ZNF573: variants seen among roughly 807,000 people sequenced by gnomAD.
The protein encoded by ZNF573 is zinc finger protein 573.
ZNF573 carries 41 observed loss-of-function variants against 57.4 expected under a neutral mutation model. The observed-to-expected ratio is 0.71, with a 90% CI of 0.56 to 0.93. The LOEUF (loss-of-function observed/expected upper bound fraction) is 0.93, where lower values mean the gene tolerates loss of function less well. Among genes scored for constraint, ZNF573 ranks in the 40% least tolerant of loss-of-function variants. ZNF573 has a pLI of 0.00. For missense variants in ZNF573, 730 were observed against 794.8 expected (o/e 0.92, Z 0.98); for synonymous variants, 249 against 261.0 (o/e 0.95, Z 0.44).
At chr19:37,777,163 T>G (rs959899253) in intron 1 of ZNF573, among the ~76,000 whole-genome samples, 8 of 152,130 alleles carry the variant, frequency 5.3e-5, no homozygotes, top group African/African-American at 1.9e-4. Flanking sequence ...AAGAAGTCAT[T>G]ATATAAAATT....
intron 4 of ZNF573, among the ~76,000 whole-genome samples, chr19:37,767,903 T>A (rs968923044): frequency 2.0e-5 from 3 of 152,148 alleles, no homozygotes; most frequent in Non-Finnish European, 4.4e-5. Flanking sequence ...AGGAAGGAAC[T>A]TATTACCATT....
At chr19:37,750,329 C>T (rs999956349) in intron 4 of ZNF573, among the ~76,000 whole-genome samples, 8 of 152,152 alleles carry the variant, frequency 5.3e-5, no homozygotes, top group Non-Finnish European at 8.8e-5. Flanking sequence ...AGTGATCTGC[C>T]GGCCTAGGCC....
intron 4 of ZNF573, among the ~76,000 whole-genome samples, chr19:37,769,727 G>GAAAAAAAAAAAAAAAAAAAA (rs397944905): frequency 1.8e-5 from 1 of 55,222 alleles, no homozygotes; most frequent in Non-Finnish European, 3.5e-5. Context: ...CTCTGTCTCG[G>GAAAAAAAAAAAAAAAAAAAA]AAAAAAAAAA....
chr19:37,762,137 G>A (rs1038459532), intron 4 of ZNF573, among the ~76,000 whole-genome samples: 4 of 152,160 alleles, frequency 2.6e-5, no homozygotes, highest in African/African-American at 9.7e-5. Context: ...TTCAAAATAT[G>A]TTGGGCTTGA....
Position 37,739,371 on chromosome 19 carries a change from A to G in ZNF573, c.1119T>C (p.Leu373=). The change falls in exon 5 of 5, where the codon CTT becomes CTC. Residue 373 remains leucine, a synonymous_variant. Transcript: ENST00000536220. The stretch of plus-strand genomic sequence containing the variant: ...CAGTATGAATATTCTGATGCCGAGT[A>G]AGATTTCTATACAAAGTAAAGGTTT... ...CKKTFTLYRN[L]TRHQNIHTGE... The G allele has an allele frequency of 6.2e-7, 1 of 1,614,022 alleles. No homozygotes were observed. The highest frequency in any genetic ancestry group is 8.5e-7 in the Non-Finnish European group (1 of 1,179,998).
intron 1 of ZNF573, among the ~76,000 whole-genome samples, chr19:37,778,907 G>A (rs944328185): frequency 1.3e-5 from 2 of 152,254 alleles, no homozygotes; most frequent in Non-Finnish European, 1.5e-5. Context: ...GGAAAGACGA[G>A]GTTCTGAGAC....
At chr19:37,760,873 A>T (rs1031611196) in intron 4 of ZNF573, among the ~76,000 whole-genome samples, 1 of 151,538 alleles carries the variant, frequency 6.6e-6, no homozygotes, top group African/African-American at 2.4e-5. Context: ...GTTAATGCAA[A>T]ATCATCAGTA....
At chr19:37,779,101 C>T (rs998007363) in intron 1 of ZNF573, among the ~76,000 whole-genome samples, 1 of 152,118 alleles carries the variant, frequency 6.6e-6, no homozygotes, top group East Asian at 1.9e-4. Context: ...AAGCAGCAGC[C>T]GGGAACCTAC....
rs1299867124 is a variant in ZNF573, at chr19:37,739,127, T to C, written c.1363A>G (p.Arg455Gly). Residue 455 changes from arginine to glycine, a missense_variant, in exon 5 of 5, where the codon AGA (arginine) becomes GGA (glycine). Coordinates refer to ENST00000536220, the MANE Select transcript of ZNF573 (RefSeq NM_001172690.2). ...KECKKTFTLY[R>G]NLTRHQNIHT... is the part of the protein sequence containing the mutation. ...ATATTCTGATGTCGAGTAAGATTTCTATACAAAGTAAAGGTTTTTTTACAC... is the reference window on the plus strand; with the variant it reads ...ATATTCTGATGTCGAGTAAGATTTCCATACAAAGTAAAGGTTTTTTTACAC... 2.5e-6 allele frequency: 4 copies of C among 1,613,300 alleles called. No individual in the cohort carries two copies. Among genetic ancestry groups the C allele is most frequent in the South Asian group, 1.1e-5 (1 of 90,816 alleles).
intron 4 of ZNF573, among the ~76,000 whole-genome samples, chr19:37,758,216 T>A (rs371561664): frequency 0.28 from 1,519 of 5,508 alleles, 228 homozygotes; most frequent in Middle Eastern, 0.42. Flanking sequence ...TATATATATA[T>A]ATATATATAT....
At chr19:37,766,857 G>T (rs1247982015) in intron 4 of ZNF573, among the ~76,000 whole-genome samples, 1 of 152,188 alleles carries the variant, frequency 6.6e-6, no homozygotes, top group African/African-American at 2.4e-5. Context: ...TCGATTAAGT[G>T]TAACAGTGAA....
rs1165719400 is a variant in ZNF573, at chr19:37,740,134, A to G, written c.356T>C (p.Ile119Thr). The change falls in exon 5 of 5, where the codon ATA (isoleucine) becomes ACA (threonine). Residue 119 changes from isoleucine to threonine, a missense_variant. Ile to Thr is a moderately conservative substitution (Grantham distance 89, BLOSUM62 -1). Transcript: ENST00000536220. ...YIEVPTYETD[I>T]SSTQLQSIYK... ...TATGCTCTGAAGTTGTGTAGAGGAT[A>G]TATCTGTTTCATAAGTGGGTACTTC... 11 of 1,611,030 alleles carry G rather than the reference A, an allele frequency of 6.8e-6. No individual in the cohort carries two copies. Among genetic ancestry groups the G allele is most frequent in the Non-Finnish European group, 9.3e-6 (11 of 1,178,148 alleles).
intron 4 of ZNF573, among the ~76,000 whole-genome samples, chr19:37,753,725 T>C (rs2045460851): frequency 1.3e-5 from 2 of 152,082 alleles, no homozygotes; most frequent in Admixed American, 1.3e-4. Context: ...TTCTATGACT[T>C]CAAAAAACAA....
chr19:37,744,136 A>C (rs962634927), intron 4 of ZNF573, among the ~76,000 whole-genome samples: 1 of 152,052 alleles, frequency 6.6e-6, no homozygotes, highest in Admixed American at 6.6e-5. Context: ...GAAAAAAAAA[A>C]GACTACTGAT....
intron 4 of ZNF573, among the ~76,000 whole-genome samples, chr19:37,769,726 G>A (rs562476793): frequency 3.5e-5 from 4 of 115,286 alleles, no homozygotes; most frequent in South Asian, 2.8e-4. Context: ...ACTCTGTCTC[G>A]GAAAAAAAAA....
intron 4 of ZNF573, among the ~76,000 whole-genome samples, chr19:37,765,946 A>G (rs2045598160): frequency 6.6e-6 from 1 of 152,010 alleles, no homozygotes; most frequent in Non-Finnish European, 1.5e-5. Context: ...AGGCTGAGGC[A>G]GGAGAATGGC....
intron 4 of ZNF573, among the ~76,000 whole-genome samples, chr19:37,766,656 C>T (rs2045604391): frequency 6.6e-6 from 1 of 152,136 alleles, no homozygotes; most frequent in African/African-American, 2.4e-5. Context: ...CAGTAAAAGC[C>T]ATCCTTGCCC....
chr19:37,740,807 G>A (rs559098220), intron 4 of ZNF573: 32 of 310,462 alleles, frequency 1.0e-4, no homozygotes, highest in African/African-American at 6.8e-4. Context: ...GACGCCTTAA[G>A]TCCCTGATAT....
chr19:37,778,840 G>A (rs1397454702), intron 1 of ZNF573, among the ~76,000 whole-genome samples: 1 of 152,102 alleles, frequency 6.6e-6, no homozygotes, highest in African/African-American at 2.4e-5. Flanking sequence ...ATGGAGGTAG[G>A]AGAGAGGCTG....
Sources: allele counts gnomAD v4.1 joint callset (sites outside exome capture counted in the v4.1 genomes callset), GRCh38; gene constraint gnomAD v4.1.1; transcripts MANE v1.5; gene names NCBI Gene and HGNC (gene_info 2026-07-23, HGNC 2026-07-21).